The following ANKFY1 variants were observed in gnomAD, a reference collection of about 807,000 sequenced individuals.
ANKFY1 encodes ankyrin repeat and FYVE domain containing 1.
In ANKFY1, 47 loss-of-function variants were observed where a neutral mutation model predicts 128.3. The observed-to-expected ratio is 0.37, with a 90% CI of 0.29 to 0.47. The LOEUF is 0.47. Ranked by LOEUF, ANKFY1 falls within the 20% of genes least tolerant of loss-of-function variation. The pLI is 1.00. For missense variants in ANKFY1, 1,222 were observed against 1,510.6 expected, an observed-to-expected ratio of 0.81 and a Z score of 3.17; for synonymous variants, 553 against 601.6, an observed-to-expected ratio of 0.92 and a Z score of 1.18.
At chr17:4,173,251 G>A (rs193213055) in intron 21 of ANKFY1, 103 bp downstream of exon 21, 26 of 1,077,082 alleles carry the variant, frequency 2.4e-5, no homozygotes, top group South Asian at 1.1e-4. Flanking sequence ...CCCAGCGGCC[G>A]GTTTTGCAGC....
At chr17:4,207,153 G>A (rs550103841) in intron 6 of ANKFY1, among the ~76,000 whole-genome samples, 18 of 152,036 alleles carry the variant, frequency 1.2e-4, no homozygotes, top group Admixed American at 2.0e-4. Context: ...CAGAGGGCCC[G>A]ACCCGTCTAA....
At chr17:4,260,307 AAGT>A (rs1340609703) in intron 1 of ANKFY1, among the ~76,000 whole-genome samples, 1 of 152,114 alleles carries the variant, frequency 6.6e-6, no homozygotes, top group Non-Finnish European at 1.5e-5. Context: ...GAACCTTTTG[AAGT>A]AGTTCACTTA....
chr17:4,224,425 C>T lies in ANKFY1; in HGVS notation c.323-7307G>A, dbSNP rs1345297302. Among the ~76,000 whole-genome samples the T allele has an allele frequency of 5.3e-5, 8 of 151,388 alleles. No individual in the cohort carries two copies. The East Asian group carries it at 1.5e-3, about 29-fold the overall frequency. ...TTTTAGTAGAGACGGGGTTTCACTG[C>T]GTTAGCCAGGATGGTGAAGTTTTTT... On this transcript the variant is annotated intron_variant, in intron 3 of 24. Coordinates refer to ENST00000341657, the MANE Select transcript of ANKFY1 (RefSeq NM_001330063.2).
At chr17:4,192,321 T>A (rs1339257238) in intron 10 of ANKFY1, among the ~76,000 whole-genome samples, 1 of 146,500 alleles carries the variant, frequency 6.8e-6, no homozygotes, top group Non-Finnish European at 1.5e-5. Context: ...ATCTGGAGAC[T>A]CTTAGTTGAT....
At chr17:4,256,548 G>A (rs1968138830) in intron 1 of ANKFY1, among the ~76,000 whole-genome samples, 1 of 152,236 alleles carries the variant, frequency 6.6e-6, no homozygotes, top group South Asian at 2.1e-4. Flanking sequence ...AGCATCCGGG[G>A]GATTTGGTGA....
chr17:4,171,116 C>T lies in ANKFY1; in HGVS notation c.3140-255G>A, dbSNP rs114632592. 5.2e-3 allele frequency among the ~76,000 whole-genome samples: 791 copies of T among 152,332 alleles called. 6 individuals carry two copies. The highest frequency in any genetic ancestry group is 0.019 in the African/African-American group (771 of 41,572). ...CGTTTCCAAGACACAGTCTTTCCCACGTAGAGCTTGGGCTGCAAGAGAGCT... is the reference window on the plus strand; with the variant it reads ...CGTTTCCAAGACACAGTCTTTCCCATGTAGAGCTTGGGCTGCAAGAGAGCT... On this transcript the variant is annotated intron_variant, in intron 22 of 24. Transcript: ENST00000341657.
intron 1 of ANKFY1, among the ~76,000 whole-genome samples, chr17:4,262,822 T>C (rs748828909): frequency 9.2e-5 from 14 of 152,122 alleles, no homozygotes; most frequent in Non-Finnish European, 1.8e-4. Flanking sequence ...CTAAATTCCT[T>C]TATCAATAAA....
chr17:4,203,827 C>CAAAAA (rs773865349), intron 7 of ANKFY1, among the ~76,000 whole-genome samples: 1,613 of 75,824 alleles, frequency 0.021, no homozygotes, highest in East Asian at 0.034. Context: ...ACAACAACAA[C>CAAAAA]AAAAAAAAAA....
Position 4,228,456 on chromosome 17 carries a change from G to A in ANKFY1, c.322+7316C>T, listed in dbSNP as rs1598112877. 2.7e-5 allele frequency among the ~76,000 whole-genome samples: 4 copies of A among 150,722 alleles called. No homozygotes were observed. In the South Asian group the frequency reaches 6.3e-4, roughly 24 times the overall value. ...TCTTGAGACAGAGTCTCACTCTGTCGTCCAGACGGGAGTGCAATGACGCGA... is the reference window on the plus strand; with the variant it reads ...TCTTGAGACAGAGTCTCACTCTGTCATCCAGACGGGAGTGCAATGACGCGA... On this transcript the variant is annotated intron_variant, in intron 3 of 24. Transcript: ENST00000341657.
chr17:4,263,757 C>T, intron 1 of ANKFY1, 175 bp downstream of exon 1: 15 of 1,519,680 alleles, frequency 9.9e-6, no homozygotes, highest in Admixed American at 2.2e-5. Flanking sequence ...TCATAGGAAC[C>T]GCGCTCCGGA....
chr17:4,254,668 C>T (rs1014387299), intron 1 of ANKFY1, among the ~76,000 whole-genome samples: 4 of 152,144 alleles, frequency 2.6e-5, no homozygotes, highest in Admixed American at 2.0e-4. Context: ...AACACCTATA[C>T]TTACAAACAA....
chr17:4,256,452 A>C (rs2143547674), intron 1 of ANKFY1, among the ~76,000 whole-genome samples: 1 of 152,218 alleles, frequency 6.6e-6, no homozygotes, highest in East Asian at 1.9e-4. Context: ...CTCCCAGGTT[A>C]ACTGTACTGT....
intron 5 of ANKFY1, among the ~76,000 whole-genome samples, chr17:4,208,380 C>A (rs916219143): frequency 2.0e-5 from 3 of 152,184 alleles, no homozygotes; most frequent in Non-Finnish European, 4.4e-5. Context: ...CATTACTGTG[C>A]CTCCCAGTGA....
Position 4,223,429 on chromosome 17 carries a change from G to A in ANKFY1, c.323-6311C>T, listed in dbSNP as rs1598104836. 3 of 1,374,122 alleles carry A rather than the reference G, an allele frequency of 2.2e-6. No homozygotes were observed. In the East Asian group the frequency reaches 6.8e-5, roughly 31 times the overall value. The allele number at this position is 1,374,122 out of a possible 1,614,324, so 85.1% of individuals were successfully genotyped here. On this transcript the variant is annotated intron_variant, in intron 3 of 24. Coordinates refer to ENST00000341657, the MANE Select transcript of ANKFY1 (RefSeq NM_001330063.2). ...TCATCCACAAAGACCTGGCTGCTAG[G>A]AACTGTATCACTGATGACACACTTC...
At chr17:4,177,028 CACA>C in intron 19 of ANKFY1, 95 bp downstream of exon 19, 1 of 1,290,656 alleles carries the variant, frequency 7.7e-7, no homozygotes, top group Non-Finnish European at 1.0e-6. Flanking sequence ...CAGGTGCTTT[CACA>C]ACACCGGGCA....
intron 19 of ANKFY1, among the ~76,000 whole-genome samples, chr17:4,175,270 C>G (rs1320589004): frequency 6.6e-6 from 1 of 150,914 alleles, no homozygotes; most frequent in Non-Finnish European, 1.5e-5. Context: ...CAGGTCAAGC[C>G]TGCAGCGAGC....
rs527745603 is a variant in ANKFY1, at chr17:4,178,935, C to G, written c.2520G>C (p.Pro840=). Residue 840 remains proline (P), a synonymous_variant, in exon 18 of 25, where the codon CCG becomes CCC. Coordinates refer to ENST00000341657, the MANE Select transcript of ANKFY1 (RefSeq NM_001330063.2). The surrounding 1 kb of genome is among the most constrained non-coding windows in gnomAD (Gnocchi z 4.1). The part of the protein sequence containing the change: ...LNVRDRQGLT[P]FACAMTFKNN... ...TCTTGAAAGTCATGGCACAGGCAAA[C>G]GGGGTCAGCCCTTGTCTGTCTCGTA... 20 of 1,614,172 alleles carry G rather than the reference C, an allele frequency of 1.2e-5. No individual in the cohort carries two copies. In the East Asian group the frequency reaches 4.5e-4, roughly 36 times the overall value.
intron 13 of ANKFY1, 92 bp downstream of exon 13, chr17:4,183,720 C>T (rs1004876721): frequency 6.2e-6 from 9 of 1,440,888 alleles, no homozygotes; most frequent in Non-Finnish European, 8.7e-6. Context: ...TTAGCCCAGT[C>T]TCCTCTTTCT....
chr17:4,224,957 T>C (rs9908670), intron 3 of ANKFY1, among the ~76,000 whole-genome samples: 33 of 149,958 alleles, frequency 2.2e-4, no homozygotes, highest in African/African-American at 7.3e-4. Flanking sequence ...TTTTTTTTTT[T>C]AAATAAACTG....
Sources: gnomAD v4.1 joint callset for allele counts (sites outside exome capture counted in the v4.1 genomes callset) on GRCh38, gnomAD v4.1.1 for gene constraint, Gnocchi (gnomAD v3.1) non-coding constraint, MANE v1.5 for transcripts, NCBI Gene and HGNC (gene_info 2026-07-23, HGNC 2026-07-21) for gene names.